FAM167A: variants seen among roughly 807,000 people sequenced by gnomAD.
The protein encoded by FAM167A is protein FAM167A.
Under a neutral mutation model 14.9 loss-of-function variants are expected in FAM167A, and 23 were observed. That is an observed-to-expected ratio of 1.55 (90% CI 1.11 to 2.19). FAM167A has a LOEUF of 2.19. Ranked by LOEUF, FAM167A falls within the 30% of genes most tolerant of loss-of-function variation. The pLI is 0.00. For synonymous variants in FAM167A, 174 were observed against 117.7 expected (o/e 1.48, Z -3.10); for missense variants, 401 against 281.5 (o/e 1.42, Z -3.04).
chr8:11,454,331 A>G (rs1211206029), intron 1 of FAM167A, among the ~76,000 whole-genome samples: 1 of 152,178 alleles, frequency 6.6e-6, no homozygotes, highest in East Asian at 1.9e-4. Flanking sequence ...TCGTGGCTTC[A>G]CTCAAGGACA....
rs564909473 is a variant in FAM167A, at chr8:11,444,568, G to C, written c.-157C>G. The C allele has an allele frequency of 2.7e-5, 39 of 1,454,378 alleles. No individual in the cohort carries two copies. The African/African-American group carries it at 5.0e-4, about 18-fold the overall frequency. 90.1% of individuals were successfully genotyped at this position (1,454,378 alleles called of 1,614,324 possible). ...GCCGGCCTCAGAGGCTGGGTGGCAG[G>C]GGAGCTGAGAGGGACCGCGCAGTGA... On this transcript the variant is annotated 5_prime_UTR_variant, in exon 2 of 3. Coordinates refer to ENST00000284486, the MANE Select transcript of FAM167A (RefSeq NM_053279.3).
At chr8:11,471,169 G>T (rs148822323), upstream of FAM167A, among the ~76,000 whole-genome samples, 3 of 152,204 alleles carry the variant, frequency 2.0e-5, no homozygotes, top group Admixed American at 6.5e-5. Flanking sequence ...GTGGGCTTCA[G>T]CTAGGAGAGG....
chr8:11,448,594 C>T (rs1474486647), intron 1 of FAM167A, among the ~76,000 whole-genome samples: 16 of 152,244 alleles, frequency 1.1e-4, no homozygotes. Context: ...CACCAAACGA[C>T]ACGAAGTCAG....
At chr8:11,442,413 A>G (rs1049101238) in intron 2 of FAM167A, among the ~76,000 whole-genome samples, 11 of 152,314 alleles carry the variant, frequency 7.2e-5, no homozygotes, top group South Asian at 2.1e-4. Context: ...CGCCAGAGTG[A>G]GGAGACTAAA....
At chr8:11,469,158 C>A (rs1343129968), upstream of FAM167A, among the ~76,000 whole-genome samples, 1 of 152,214 alleles carries the variant, frequency 6.6e-6, no homozygotes, top group East Asian at 1.9e-4. Flanking sequence ...CATTATGAAA[C>A]TTCTCATTCC....
chr8:11,442,330 C>A (rs1248745638), intron 2 of FAM167A, among the ~76,000 whole-genome samples: 1 of 152,108 alleles, frequency 6.6e-6, no homozygotes, highest in African/African-American at 2.4e-5. Context: ...CACCCCCAGA[C>A]ATTCATTGGA....
At chr8:11,435,237 G>A (rs1406394705) in intron 2 of FAM167A, 1 of 412,672 alleles carries the variant, frequency 2.4e-6, no homozygotes, top group Non-Finnish European at 4.9e-6. Flanking sequence ...CACCCTTCAG[G>A]ACCAGCTCAG....
chr8:11,435,972 G>A (rs1008663025), intron 2 of FAM167A, among the ~76,000 whole-genome samples: 2 of 152,134 alleles, frequency 1.3e-5, no homozygotes, highest in Middle Eastern at 3.2e-3. Context: ...TTCCCATGTG[G>A]CGCTTGCCCC....
intron 2 of FAM167A, among the ~76,000 whole-genome samples, chr8:11,425,274 A>T (rs1805057240): frequency 6.6e-6 from 1 of 152,184 alleles, no homozygotes; most frequent in Non-Finnish European, 1.5e-5. Flanking sequence ...CTGTGAAGTG[A>T]TGTCACCATC....
chr8:11,453,288 T>G (rs1807099035), intron 1 of FAM167A, among the ~76,000 whole-genome samples: 1 of 152,224 alleles, frequency 6.6e-6, no homozygotes, highest in Admixed American at 6.5e-5. Flanking sequence ...ATCTCCTGCC[T>G]CAGCCTCCCA....
chr8:11,468,692 A>G (rs1807861905), upstream of FAM167A, among the ~76,000 whole-genome samples: 1 of 152,084 alleles, frequency 6.6e-6, no homozygotes, highest in African/African-American at 2.4e-5. Flanking sequence ...ATCTTTTTGG[A>G]TGGGCCATTC....
At chr8:11,455,287 G>A (rs576215961) in intron 1 of FAM167A, among the ~76,000 whole-genome samples, 5 of 136,776 alleles carry the variant, frequency 3.7e-5, no homozygotes, top group African/African-American at 1.4e-4. Context: ...TGTGTGTCTG[G>A]GGGGGGTGGT....
At chr8:11,429,425 G>A (rs1805418599) in intron 2 of FAM167A, among the ~76,000 whole-genome samples, 1 of 152,348 alleles carries the variant, frequency 6.6e-6, no homozygotes, top group South Asian at 2.1e-4. Flanking sequence ...TGGGACTGGA[G>A]TGCCTCCTCC....
chr8:11,471,660 G>A (rs947691787), upstream of FAM167A, among the ~76,000 whole-genome samples: 12 of 152,210 alleles, frequency 7.9e-5, no homozygotes, highest in Non-Finnish European at 1.6e-4. Flanking sequence ...ATCCGTGAGC[G>A]AGAGGGCTGC....
chr8:11,454,529 C>T (rs1284001935), intron 1 of FAM167A, among the ~76,000 whole-genome samples: 3 of 152,212 alleles, frequency 2.0e-5, no homozygotes, highest in African/African-American at 7.2e-5. Flanking sequence ...CTTCAGAGGC[C>T]AGAGAACAGT....
At chr8:11,437,491 C>G (rs771481603) in intron 2 of FAM167A, among the ~76,000 whole-genome samples, 7 of 152,168 alleles carry the variant, frequency 4.6e-5, no homozygotes, top group African/African-American at 1.4e-4. Context: ...ATTGGTTTAC[C>G]TAAAGGCACA....
At position 11,431,650 on chromosome 8, in the gene FAM167A, G is replaced by A. The variant is rs142608473; in HGVS notation, c.382-7014C>T. ...AGCACTGAGAATACTGCATCCAGGG[G>A]ACCTCCTTAGTCCTGGGCAAATAGA... On this transcript the variant is annotated intron_variant, in intron 2 of 2. Coordinates refer to ENST00000284486, the MANE Select transcript of FAM167A (RefSeq NM_053279.3). Among the ~76,000 whole-genome samples, 13 of 152,220 alleles carry A rather than the reference G, an allele frequency of 8.5e-5. 1 individual carries two copies. The highest frequency in any genetic ancestry group is 3.1e-4 in the African/African-American group (13 of 41,550).
upstream of FAM167A, among the ~76,000 whole-genome samples, chr8:11,468,527 AC>A (rs2117167753): frequency 6.6e-6 from 1 of 152,200 alleles, no homozygotes; most frequent in East Asian, 1.9e-4. Flanking sequence ...AAGGGCATGA[AC>A]CATGTTTGCA....
At chr8:11,439,432 A>T (rs577451230) in intron 2 of FAM167A, among the ~76,000 whole-genome samples, 1 of 152,386 alleles carries the variant, frequency 6.6e-6, no homozygotes, top group Admixed American at 6.5e-5. Flanking sequence ...AGCAGGCAGC[A>T]CAGGCAACAG....
Sources: allele counts gnomAD v4.1 joint callset (sites outside exome capture counted in the v4.1 genomes callset), GRCh38; gene constraint gnomAD v4.1.1; transcripts MANE v1.5; gene names NCBI Gene and HGNC (gene_info 2026-07-23, HGNC 2026-07-21).